Variants in CDIN1 observed in about 807,000 individuals in gnomAD.
CDIN1 encodes CDAN1-interacting nuclease 1.
CDIN1 carries 33 observed loss-of-function variants against 45.3 expected under a neutral mutation model. The observed-to-expected ratio is 0.73, with a 90% CI of 0.55 to 0.97. The LOEUF is 0.97. Ranked by LOEUF, CDIN1 falls within the 50% of genes least tolerant of loss-of-function variation. The pLI is 0.00. For synonymous variants in CDIN1, 118 were observed against 124.4 expected (o/e 0.95, Z 0.34); for missense variants, 303 against 339.4 (o/e 0.89, Z 0.84).
chr15:36,634,220 G>A (rs1474906923), intron 1 of CDIN1, among the ~76,000 whole-genome samples: 1 of 152,096 alleles, frequency 6.6e-6, no homozygotes, highest in Non-Finnish European at 1.5e-5. Context: ...CACAAGATCA[G>A]GAGATCGAGA....
At chr15:36,743,204 T>C (rs1359641552) in intron 10 of CDIN1, among the ~76,000 whole-genome samples, 3 of 152,114 alleles carry the variant, frequency 2.0e-5, no homozygotes, top group African/African-American at 7.2e-5. Flanking sequence ...AATATTTTAA[T>C]TAGGGGAGTA....
chr15:36,607,666 C>T (rs370010782), intron 1 of CDIN1, among the ~76,000 whole-genome samples: 9 of 152,028 alleles, frequency 5.9e-5, no homozygotes, highest in East Asian at 5.8e-4. Context: ...GTGTATTGTA[C>T]GTTATATAAG....
At chr15:36,746,594 C>A (rs1361160202) in intron 10 of CDIN1, among the ~76,000 whole-genome samples, 1 of 150,476 alleles carries the variant, frequency 6.6e-6, no homozygotes, top group African/African-American at 2.4e-5. Flanking sequence ...TCATCTATTT[C>A]AAAAACAAAA....
At chr15:36,583,788 G>A (rs940670898) in intron 1 of CDIN1, among the ~76,000 whole-genome samples, 60 of 152,228 alleles carry the variant, frequency 3.9e-4, no homozygotes, top group East Asian at 5.8e-4. Flanking sequence ...AGGCTGAGGC[G>A]GGCAGATCAC....
chr15:36,769,457 C>T (rs1566961634), intron 10 of CDIN1, among the ~76,000 whole-genome samples: 1 of 152,198 alleles, frequency 6.6e-6, no homozygotes, highest in Non-Finnish European at 1.5e-5. Flanking sequence ...TTTTGCTCTT[C>T]AAGGCCTTCA....
chr15:36,749,449 G>A (rs920588163), intron 10 of CDIN1, among the ~76,000 whole-genome samples: 3 of 152,084 alleles, frequency 2.0e-5, no homozygotes, highest in Non-Finnish European at 2.9e-5. Flanking sequence ...TAGCATTTAA[G>A]CTCACCAAGG....
intron 1 of CDIN1, among the ~76,000 whole-genome samples, chr15:36,638,916 T>A (rs2040002178): frequency 6.6e-6 from 1 of 152,206 alleles, no homozygotes; most frequent in Non-Finnish European, 1.5e-5. Context: ...GAAGGCAGAT[T>A]AGCATTGGGA....
intron 5 of CDIN1, among the ~76,000 whole-genome samples, chr15:36,662,415 C>T (rs1221588508): frequency 6.6e-6 from 1 of 151,754 alleles, no homozygotes; most frequent in Non-Finnish European, 1.5e-5. Flanking sequence ...TTTTAGTTTT[C>T]AAACAAACTG....
At chr15:36,673,279 T>A (rs891839557) in intron 5 of CDIN1, among the ~76,000 whole-genome samples, 1 of 152,086 alleles carries the variant, frequency 6.6e-6, no homozygotes, top group African/African-American at 2.4e-5. Flanking sequence ...TCTGTAAATG[T>A]TTTCAGATAT....
At chr15:36,604,457 A>ACACACACACACACT (rs56365686) in intron 1 of CDIN1, among the ~76,000 whole-genome samples, 1 of 151,236 alleles carries the variant, frequency 6.6e-6, no homozygotes, top group African/African-American at 2.4e-5. Context: ...ACACACACAC[A>ACACACACACACACT]TTTTAGAGTA....
At chr15:36,794,910 A>C (rs563379192) in intron 10 of CDIN1, among the ~76,000 whole-genome samples, 2 of 152,376 alleles carry the variant, frequency 1.3e-5, no homozygotes, top group African/African-American at 4.8e-5. Context: ...GAATGAATGA[A>C]GAAAATGTGT....
rs577057516 is a variant in CDIN1 at position 36,670,902 on chromosome 15, AG to A, written c.346+12999del. On this transcript the variant is annotated intron_variant, in intron 5 of 10. Transcript: ENST00000566621. Reference sequence around the variant, plus strand: ...GACTTTTAGCATTTTTATTTACATGAGGAAAAAAAAACACTAAATAAGAGAG... The same window carrying A: ...GACTTTTAGCATTTTTATTTACATGAGAAAAAAAAACACTAAATAAGAGAG... 3.0e-4 allele frequency among the ~76,000 whole-genome samples: 45 copies of A among 152,164 alleles called. 1 individual carries two copies. In the South Asian group the frequency reaches 3.7e-3, roughly 13 times the overall value.
At chr15:36,598,859 GTTAC>G (rs1382764989) in intron 1 of CDIN1, among the ~76,000 whole-genome samples, 1 of 151,890 alleles carries the variant, frequency 6.6e-6, no homozygotes, top group Non-Finnish European at 1.5e-5. Flanking sequence ...GGCCATGGTA[GTTAC>G]TTTTACCTGT....
intron 1 of CDIN1, among the ~76,000 whole-genome samples, chr15:36,604,795 T>C (rs896611159): frequency 6.6e-6 from 1 of 152,186 alleles, no homozygotes; most frequent in Admixed American, 6.5e-5. Flanking sequence ...AATAAGAGGC[T>C]CTTTGCCTAA....
chr15:36,705,056 A>C (rs1460558144), intron 8 of CDIN1: 1 of 152,188 alleles, frequency 6.6e-6, no homozygotes, highest in Non-Finnish European at 1.5e-5. Context: ...CATTTGGAGA[A>C]GAGGGTAATT....
At chr15:36,688,233 C>A (rs563669375) in intron 5 of CDIN1, among the ~76,000 whole-genome samples, 2 of 151,702 alleles carry the variant, frequency 1.3e-5, no homozygotes, top group South Asian at 2.1e-4. Context: ...GTAAAACTAA[C>A]CTCTAGCAAG....
intron 10 of CDIN1, among the ~76,000 whole-genome samples, chr15:36,729,785 C>G (rs187882713): frequency 6.6e-6 from 1 of 152,246 alleles, no homozygotes; most frequent in East Asian, 1.9e-4. Context: ...GCAGGAGGTT[C>G]TCTGTGAACA....
chr15:36,697,718 T>C (rs1346082421), intron 8 of CDIN1, among the ~76,000 whole-genome samples: 1 of 152,184 alleles, frequency 6.6e-6, no homozygotes, highest in Non-Finnish European at 1.5e-5. Context: ...CTATAAAATG[T>C]TTTATATATT....
chr15:36,685,373 C>T, intron 5 of CDIN1, among the ~76,000 whole-genome samples: 1 of 151,486 alleles, frequency 6.6e-6, no homozygotes, highest in Non-Finnish European at 1.5e-5. Flanking sequence ...GTTCAGTTTC[C>T]ATGTAGTTGA....
Sources: gnomAD v4.1 joint callset for allele counts (sites outside exome capture counted in the v4.1 genomes callset) on GRCh38, gnomAD v4.1.1 for gene constraint, MANE v1.5 for transcripts, NCBI Gene and HGNC (gene_info 2026-07-23, HGNC 2026-07-21) for gene names.